The following BCL2L13 variants were observed in gnomAD, a reference collection of about 807,000 sequenced individuals.
The protein encoded by BCL2L13 is BCL2 like 13, also known as bcl-2-like protein 13.
A neutral mutation model predicts 25.8 loss-of-function variants in BCL2L13; 13 were observed. The ratio of observed to expected loss-of-function variants is 0.50; its 90% CI spans 0.33 to 0.80. BCL2L13 has a LOEUF of 0.80. Ranked by LOEUF, BCL2L13 falls within the 30% of genes least tolerant of loss-of-function variation. The probability of loss-of-function intolerance (pLI) is 0.02; values close to 1 mark genes in which losing one functional copy is unlikely to be tolerated. For synonymous variants in BCL2L13, 244 were observed against 230.3 expected, an observed-to-expected ratio of 1.06 and a Z score of -0.54; for missense variants, 504 against 574.9, an observed-to-expected ratio of 0.88 and a Z score of 1.26.
At chr22:17,644,497 A>G (rs2058403531) in intron 1 of BCL2L13, among the ~76,000 whole-genome samples, 1 of 150,322 alleles carries the variant, frequency 6.7e-6, no homozygotes, top group South Asian at 2.1e-4. Flanking sequence ...ACGCCCAGCT[A>G]ATTTTTGTAT....
At chr22:17,662,438 A>G (rs1393891551) in intron 2 of BCL2L13, among the ~76,000 whole-genome samples, 2 of 152,238 alleles carry the variant, frequency 1.3e-5, no homozygotes, top group African/African-American at 4.8e-5. Context: ...AGATCGTGCC[A>G]CTGCACTCCA....
At chr22:17,666,011 A>G (rs942841458) in intron 2 of BCL2L13, among the ~76,000 whole-genome samples, 2 of 152,092 alleles carry the variant, frequency 1.3e-5, no homozygotes, top group African/African-American at 4.8e-5. Flanking sequence ...GTATGGTGAA[A>G]AGAATATATT....
chr22:17,722,417 G>GTA (rs1569017723), intron 6 of BCL2L13, among the ~76,000 whole-genome samples: 9 of 146,038 alleles, frequency 6.2e-5, no homozygotes, highest in African/African-American at 2.2e-4. Context: ...GTGTGTGTGT[G>GTA]TGTATGTAGA....
chr22:17,696,999 C>T (rs1367362702), intron 5 of BCL2L13, among the ~76,000 whole-genome samples: 5 of 152,014 alleles, frequency 3.3e-5, no homozygotes, highest in Admixed American at 6.6e-5. Flanking sequence ...AGACACCTAC[C>T]TCTATTTGGA....
At chr22:17,685,719 T>G (rs887024180) in intron 3 of BCL2L13, among the ~76,000 whole-genome samples, 7 of 151,538 alleles carry the variant, frequency 4.6e-5, no homozygotes, top group African/African-American at 1.7e-4. Flanking sequence ...CTTGTGCAAG[T>G]TTTTGTGTGG....
chr22:17,674,647 A>G (rs534772369), intron 2 of BCL2L13, among the ~76,000 whole-genome samples: 2 of 150,156 alleles, frequency 1.3e-5, no homozygotes, highest in Admixed American at 6.6e-5. Context: ...AGTTCTTGCT[A>G]TGTTGCCCAG....
intron 6 of BCL2L13, among the ~76,000 whole-genome samples, chr22:17,714,006 A>G (rs939705375): frequency 2.6e-5 from 4 of 151,868 alleles, no homozygotes; most frequent in African/African-American, 9.7e-5. Context: ...AAAATTAGCC[A>G]GGTGTGGCTG....
intron 1 of BCL2L13, among the ~76,000 whole-genome samples, chr22:17,648,256 C>T (rs2058562269): frequency 6.6e-6 from 1 of 152,120 alleles, no homozygotes; most frequent in Non-Finnish European, 1.5e-5. Context: ...GTGGAGTTTA[C>T]ACTTGGCCTG....
At chr22:17,717,561 A>G (rs548947861) in intron 6 of BCL2L13, among the ~76,000 whole-genome samples, 13 of 152,066 alleles carry the variant, frequency 8.5e-5, no homozygotes, top group Admixed American at 2.6e-4. Flanking sequence ...AAGTGCTGGG[A>G]TTTAAGGTGT....
intron 2 of BCL2L13, among the ~76,000 whole-genome samples, chr22:17,664,524 C>T (rs2059175438): frequency 6.6e-6 from 1 of 152,182 alleles, no homozygotes; most frequent in Non-Finnish European, 1.5e-5. Context: ...CGAACAGTGG[C>T]CTTCTTCTCA....
intron 1 of BCL2L13, among the ~76,000 whole-genome samples, chr22:17,640,800 G>A (rs936764127): frequency 6.6e-6 from 1 of 151,840 alleles, no homozygotes; most frequent in African/African-American, 2.4e-5. Context: ...GCTGCTGTGA[G>A]CTGTGATTGC....
rs1178778275 is a variant in BCL2L13, at chr22:17,728,102, C to CTGGGT, written c.*569_*570insGGGTT. The CTGGGT allele has an allele frequency of 1.3e-5, 2 of 156,296 alleles. No individual in the cohort carries two copies. Among genetic ancestry groups the CTGGGT allele is most frequent in the African/African-American group, 4.9e-5 (2 of 40,964 alleles). The allele number at this position is 156,296 out of a possible 1,614,324, so 9.7% of individuals were successfully genotyped here. ...AATTTCATCTTTCTCGATGAGCAGGCTCTGCACCCACTCTTTTTTTGCCCC... is the reference window on the plus strand; with the variant it reads ...AATTTCATCTTTCTCGATGAGCAGGCTGGGTTCTGCACCCACTCTTTTTTTGCCCC... On this transcript the variant is annotated 3_prime_UTR_variant, in exon 7 of 7. Transcript: ENST00000317582.
chr22:17,710,439 G>T (rs1430085372), intron 6 of BCL2L13, among the ~76,000 whole-genome samples: 1 of 151,860 alleles, frequency 6.6e-6, no homozygotes, highest in Non-Finnish European at 1.5e-5. Context: ...AATTCTCCGG[G>T]CATGGTGGCG....
At chr22:17,675,515 T>C (rs1312440363) in intron 2 of BCL2L13, among the ~76,000 whole-genome samples, 1 of 152,222 alleles carries the variant, frequency 6.6e-6, no homozygotes, top group Non-Finnish European at 1.5e-5. Context: ...CTGGTTGTTA[T>C]TTCTGTTTCT....
At chr22:17,669,294 A>G (rs1305152764) in intron 2 of BCL2L13, among the ~76,000 whole-genome samples, 1 of 152,018 alleles carries the variant, frequency 6.6e-6, no homozygotes, top group African/African-American at 2.4e-5. Context: ...GGCCTCCCAC[A>G]GTGCTGGGAT....
intron 1 of BCL2L13, among the ~76,000 whole-genome samples, chr22:17,631,229 T>C (rs1270880054): frequency 6.6e-6 from 1 of 151,822 alleles, no homozygotes; most frequent in East Asian, 1.9e-4. Flanking sequence ...CTCCAGTAGC[T>C]GGGATTACAA....
chr22:17,710,322 T>G (rs557460902), intron 6 of BCL2L13, among the ~76,000 whole-genome samples: 5 of 152,102 alleles, frequency 3.3e-5, no homozygotes, highest in Non-Finnish European at 5.9e-5. Flanking sequence ...GGCTCACACC[T>G]GTAATCCCAG....
At chr22:17,655,913 G>T in intron 2 of BCL2L13, 81 bp downstream of exon 2, 1 of 1,359,064 alleles carries the variant, frequency 7.4e-7, no homozygotes, top group Non-Finnish European at 9.9e-7. Context: ...TAATTTATAT[G>T]TGTGGTTATC....
chr22:17,719,857 A>T (rs1008181505), intron 6 of BCL2L13, among the ~76,000 whole-genome samples: 2 of 148,912 alleles, frequency 1.3e-5, no homozygotes, highest in Non-Finnish European at 3.0e-5. Flanking sequence ...AAAAGAATGA[A>T]GTATGGATAC....
Sources: allele counts gnomAD v4.1 joint callset (sites outside exome capture counted in the v4.1 genomes callset), GRCh38; gene constraint gnomAD v4.1.1; transcripts MANE v1.5; gene names NCBI Gene and HGNC (gene_info 2026-07-23, HGNC 2026-07-21).